Variants in RGS6 observed in about 807,000 individuals in gnomAD.
The protein encoded by RGS6 is regulator of G-protein signaling 6.
Under a neutral mutation model 78.5 loss-of-function variants are expected in RGS6, and 30 were observed. The ratio of observed to expected loss-of-function variants is 0.38; its 90% CI spans 0.29 to 0.52. RGS6 has a LOEUF of 0.52. Among genes scored for constraint, RGS6 ranks in the 20% least tolerant of loss-of-function variants. The pLI is 0.85. For synonymous variants in RGS6, 206 were observed against 206.0 expected, an observed-to-expected ratio of 1.00 and a Z score of 0.00; for missense variants, 495 against 609.7, an observed-to-expected ratio of 0.81 and a Z score of 1.98.
At chr14:72,592,600 T>G in the RGS6 span, among the ~76,000 whole-genome samples, 1 of 152,246 alleles carries the variant, frequency 6.6e-6, no homozygotes, top group Non-Finnish European at 1.5e-5. Flanking sequence ...TGGTCTGGCT[T>G]TTCAAGATTA....
At chr14:71,885,282 A>G in the RGS6 span, among the ~76,000 whole-genome samples, 1 of 152,208 alleles carries the variant, frequency 6.6e-6, no homozygotes, top group Non-Finnish European at 1.5e-5. Flanking sequence ...AAGAAAATAA[A>G]CGGAAACCAA....
intron 17 of RGS6, among the ~76,000 whole-genome samples, chr14:72,557,068 A>C (rs2097588721): frequency 1.3e-5 from 2 of 152,246 alleles, no homozygotes. Flanking sequence ...CGGAAGGGTG[A>C]GAAAGACAGG....
chr14:72,465,626 A>G (rs759824459), intron 6 of RGS6, 132 bp from the exon 7 acceptor site: 28 of 557,238 alleles, frequency 5.0e-5, no homozygotes, highest in African/African-American at 2.4e-4. Flanking sequence ...GGATGGGTGG[A>G]TGGATGGATG....
chr14:72,296,183 A>G (rs998480226), intron 2 of RGS6, among the ~76,000 whole-genome samples: 4 of 152,198 alleles, frequency 2.6e-5, no homozygotes, highest in African/African-American at 4.8e-5. Context: ...GTTGCAGCAT[A>G]TGGCCATACC....
chr14:71,909,532 AAGAGGGAGAGACAG>A, the RGS6 span, among the ~76,000 whole-genome samples: 2 of 148,956 alleles, frequency 1.3e-5, no homozygotes, highest in East Asian at 2.0e-4. Context: ...GGGAGAGAAA[AAGAGGGAGAGACAG>A]AGAGGGAGAG....
At chr14:72,146,269 ACT>A (rs1167752317) in intron 2 of RGS6, among the ~76,000 whole-genome samples, 1 of 152,076 alleles carries the variant, frequency 6.6e-6, no homozygotes, top group Non-Finnish European at 1.5e-5. Context: ...ACCTCTCAAC[ACT>A]CTTGCATTGG....
chr14:72,013,394 A>G (rs1425511194), intron 2 of RGS6, among the ~76,000 whole-genome samples: 1 of 152,190 alleles, frequency 6.6e-6, no homozygotes, highest in African/African-American at 2.4e-5. Flanking sequence ...ACATCCAGGA[A>G]CCATGAACAC....
intron 13 of RGS6, among the ~76,000 whole-genome samples, chr14:72,503,581 A>G (rs1408968316): frequency 2.0e-5 from 2 of 97,956 alleles, no homozygotes; most frequent in Admixed American, 9.3e-5. Flanking sequence ...AAAGAGAGAG[A>G]GAGAGAGAGA....
chr14:72,352,872 T>C (rs1325717084), intron 3 of RGS6, among the ~76,000 whole-genome samples: 1 of 152,214 alleles, frequency 6.6e-6, no homozygotes, highest in Non-Finnish European at 1.5e-5. Flanking sequence ...TTCATAGTTT[T>C]ACTACCTAGG....
chr14:72,361,533 A>T (rs2081454808), intron 3 of RGS6, among the ~76,000 whole-genome samples: 1 of 152,190 alleles, frequency 6.6e-6, no homozygotes, highest in South Asian at 2.1e-4. Flanking sequence ...TTCTGGAAAG[A>T]TTGTGATTAT....
intron 2 of RGS6, among the ~76,000 whole-genome samples, chr14:72,278,686 G>A (rs996358015): frequency 2.6e-5 from 4 of 152,144 alleles, no homozygotes; most frequent in African/African-American, 9.7e-5. Flanking sequence ...CATGGGAGCT[G>A]GTCTGCCATC....
intron 3 of RGS6, among the ~76,000 whole-genome samples, chr14:72,417,612 C>G (rs1332678877): frequency 6.6e-6 from 1 of 152,212 alleles, no homozygotes; most frequent in African/African-American, 2.4e-5. Flanking sequence ...GCTCCGCCAC[C>G]AGCTCTGGGT....
chr14:72,180,480 C>A (rs937003703), intron 2 of RGS6, among the ~76,000 whole-genome samples: 12 of 152,196 alleles, frequency 7.9e-5, no homozygotes, highest in African/African-American at 2.7e-4. Flanking sequence ...TTTTGTACTA[C>A]CCTTGAGAAA....
Position 72,044,904 on chromosome 14 carries a change from A to C in RGS6, c.84+80029A>C, listed in dbSNP as rs112064354. ...CAAAAAAAACCAAACTAACAAAAAA[A>C]CCCAAAAAACTCCAGGTTCTCCACC... On this transcript the variant is annotated intron_variant, in intron 2 of 17. Transcript: ENST00000553525. 8.8e-3 allele frequency among the ~76,000 whole-genome samples: 1,343 copies of C among 152,066 alleles called. 19 individuals are homozygous for C. The highest frequency in any genetic ancestry group is 0.029 in the African/African-American group (1,221 of 41,482).
chr14:72,093,728 A>G (rs1252068187), intron 2 of RGS6, among the ~76,000 whole-genome samples: 2 of 152,042 alleles, frequency 1.3e-5, no homozygotes, highest in African/African-American at 2.4e-5. Flanking sequence ...TGTTGCTGTC[A>G]TGGTCATTGC....
At chr14:72,600,474 G>A in the RGS6 span, among the ~76,000 whole-genome samples, 1 of 152,034 alleles carries the variant, frequency 6.6e-6, no homozygotes, top group African/African-American at 2.4e-5. Context: ...CTAGGCCTCA[G>A]TTTCCTCTTC....
chr14:72,007,088 G>A (rs543535609), intron 2 of RGS6, among the ~76,000 whole-genome samples: 17 of 151,464 alleles, frequency 1.1e-4, no homozygotes, highest in African/African-American at 3.6e-4. Context: ...AGTAGAAAAT[G>A]TGCCTGATAA....
At chr14:72,538,281 G>C (rs934829007) in intron 16 of RGS6, among the ~76,000 whole-genome samples, 1 of 152,240 alleles carries the variant, frequency 6.6e-6, no homozygotes, top group South Asian at 2.1e-4. Context: ...CGGAGAGAGG[G>C]AATATGAATC....
At chr14:71,893,163 C>A in the RGS6 span, among the ~76,000 whole-genome samples, 2 of 152,152 alleles carry the variant, frequency 1.3e-5, no homozygotes, top group African/African-American at 4.8e-5. Flanking sequence ...TTTGAAAGTT[C>A]TAAACAAGGT....
Sources: gnomAD v4.1 joint callset for allele counts (sites outside exome capture counted in the v4.1 genomes callset) on GRCh38, gnomAD v4.1.1 for gene constraint, MANE v1.5 for transcripts, NCBI Gene and HGNC (gene_info 2026-07-23, HGNC 2026-07-21) for gene names.